The following TOM1L2 variants were observed in gnomAD, a reference collection of about 807,000 sequenced individuals.
TOM1L2 encodes the protein TOM1-like protein 2.
TOM1L2 carries 31 observed loss-of-function variants against 67.9 expected under a neutral mutation model. The observed-to-expected ratio is 0.46, with a 90% confidence interval of 0.34 to 0.62. The LOEUF is 0.62. TOM1L2 is among the 20% of genes least tolerant of loss of function. The probability of loss-of-function intolerance (pLI) is 0.01; values close to 1 mark genes in which losing one functional copy is unlikely to be tolerated. For synonymous variants in TOM1L2, 256 were observed against 254.0 expected (o/e 1.01, Z -0.07); for missense variants, 606 against 663.5 (o/e 0.91, Z 0.95).
At chr17:17,970,057 T>G (rs1315391209) in intron 1 of TOM1L2, among the ~76,000 whole-genome samples, 1 of 151,970 alleles carries the variant, frequency 6.6e-6, no homozygotes, top group Non-Finnish European at 1.5e-5. Flanking sequence ...TTGTTGTTGT[T>G]GTTTGTTTGT....
chr17:17,856,585 T>C (rs548250929), intron 12 of TOM1L2, among the ~76,000 whole-genome samples: 39 of 152,364 alleles, frequency 2.6e-4, no homozygotes, highest in Non-Finnish European at 3.4e-4. Flanking sequence ...GCCTTTCCTC[T>C]GGCCACAGCC....
At chr17:17,930,248 T>G (rs2040271273) in intron 1 of TOM1L2, among the ~76,000 whole-genome samples, 1 of 152,094 alleles carries the variant, frequency 6.6e-6, no homozygotes, top group Non-Finnish European at 1.5e-5. Flanking sequence ...GAAAGTGGGG[T>G]ATAGAGAATT....
intron 2 of TOM1L2, among the ~76,000 whole-genome samples, chr17:17,900,693 A>C (rs2144322784): frequency 6.6e-6 from 1 of 152,296 alleles, no homozygotes; most frequent in Middle Eastern, 3.4e-3. Flanking sequence ...GACAGACACA[A>C]GGCTCCATGG....
At chr17:17,942,534 T>C (rs1159889572) in intron 1 of TOM1L2, among the ~76,000 whole-genome samples, 2 of 152,158 alleles carry the variant, frequency 1.3e-5, no homozygotes, top group East Asian at 1.9e-4. Flanking sequence ...AAGATCTTAT[T>C]ATGGGCCGAT....
chr17:17,895,006 C>T (rs1406425357), intron 3 of TOM1L2, among the ~76,000 whole-genome samples: 1 of 142,302 alleles, frequency 7.0e-6, no homozygotes, highest in Admixed American at 6.9e-5. Flanking sequence ...AAATAATGCA[C>T]ATAGCAAAGT....
chr17:17,925,579 T>C (rs1425897088), intron 1 of TOM1L2, among the ~76,000 whole-genome samples: 2 of 151,450 alleles, frequency 1.3e-5, no homozygotes, highest in Non-Finnish European at 2.9e-5. Flanking sequence ...CAGTGGCTCA[T>C]GCCTCTAATC....
In TOM1L2 at chr17:17,925,309, A is replaced by G. The variant is rs755400946; in HGVS notation, c.53-17778T>C. 6.6e-4 allele frequency among the ~76,000 whole-genome samples: 101 copies of G among 152,210 alleles called. 3 individuals are homozygous for G. Among genetic ancestry groups the G allele is most frequent in the Non-Finnish European group, 1.5e-4 (10 of 68,028 alleles). ...TTTGTAATGATGTAAGAAAAAAAAG[A>G]CACAAAATTGATTTTTAAAAAAACA... On this transcript the variant is annotated intron_variant, in intron 1 of 14. Coordinates refer to ENST00000379504, the MANE Select transcript of TOM1L2 (RefSeq NM_001082968.2).
intron 1 of TOM1L2, among the ~76,000 whole-genome samples, chr17:17,931,142 C>A (rs2040316193): frequency 6.6e-6 from 1 of 152,200 alleles, no homozygotes; most frequent in Admixed American, 6.5e-5. Context: ...CAAAGAACTA[C>A]ACATTCAACC....
At chr17:17,940,601 A>T (rs2040693135) in intron 1 of TOM1L2, among the ~76,000 whole-genome samples, 1 of 152,220 alleles carries the variant, frequency 6.6e-6, no homozygotes, top group South Asian at 2.1e-4. Flanking sequence ...GGAATAAGGT[A>T]AGCCTGAAAG....
At chr17:17,970,893 C>T (rs141811470) in intron 1 of TOM1L2, among the ~76,000 whole-genome samples, 3 of 152,288 alleles carry the variant, frequency 2.0e-5, no homozygotes, top group African/African-American at 7.2e-5. Flanking sequence ...TTCAACCAAC[C>T]AGGAGGAATC....
At chr17:17,905,937 G>A (rs1358920088) in intron 2 of TOM1L2, among the ~76,000 whole-genome samples, 1 of 151,818 alleles carries the variant, frequency 6.6e-6, no homozygotes, top group Admixed American at 6.6e-5. Flanking sequence ...CTCTGCTCCG[G>A]GCCCATTAGC....
At chr17:17,867,781 G>A (rs1254285249) in intron 8 of TOM1L2, among the ~76,000 whole-genome samples, 1 of 152,212 alleles carries the variant, frequency 6.6e-6, no homozygotes, top group Non-Finnish European at 1.5e-5. Context: ...AGATCCCCAG[G>A]AGGAATGATC....
chr17:17,847,938 G>T (rs575429598), intron 14 of TOM1L2, among the ~76,000 whole-genome samples, 155 bp from the exon 15 acceptor site: 10 of 151,966 alleles, frequency 6.6e-5, no homozygotes, highest in South Asian at 2.1e-4. Context: ...GCTGCAGTGT[G>T]GGGGGAGGCT....
intron 2 of TOM1L2, among the ~76,000 whole-genome samples, chr17:17,900,511 G>C (rs1359250183): frequency 7.9e-6 from 1 of 126,922 alleles, no homozygotes; most frequent in Non-Finnish European, 1.6e-5. Context: ...GACAGAGTAA[G>C]ACTCCATCTC....
intron 1 of TOM1L2, among the ~76,000 whole-genome samples, chr17:17,930,342 ACT>A (rs1485682802): frequency 1.3e-5 from 2 of 151,726 alleles, no homozygotes; most frequent in Non-Finnish European, 2.9e-5. Context: ...CAAATCAGAG[ACT>A]CTTGTGAAAG....
At chr17:17,884,894 G>T in intron 4 of TOM1L2, 126 bp from the exon 5 acceptor site, 1 of 1,265,510 alleles carries the variant, frequency 7.9e-7, no homozygotes, top group Non-Finnish European at 1.1e-6. Flanking sequence ...AATTGCACTG[G>T]CTAAACCTAT....
At chr17:17,886,487 C>T (rs2038007204) in intron 4 of TOM1L2, among the ~76,000 whole-genome samples, 1 of 152,254 alleles carries the variant, frequency 6.6e-6, no homozygotes, top group African/African-American at 2.4e-5. Context: ...GCGCTGGCTG[C>T]CTCCACCTGG....
chr17:17,862,769 G>A lies in TOM1L2; in HGVS notation c.1164C>T (p.Ala388=), dbSNP rs777735503. 27 of 1,613,862 alleles carry A rather than the reference G, an allele frequency of 1.7e-5. No homozygotes were observed. The highest frequency in any genetic ancestry group is 4.2e-6 in the Non-Finnish European group (5 of 1,180,038). The change falls in exon 11 of 15, where the codon GCC becomes GCT. Residue 388 remains alanine (A), a synonymous_variant. Coordinates refer to ENST00000379504, the MANE Select transcript of TOM1L2 (RefSeq NM_001082968.2). Reference sequence around the variant, plus strand: ...CAGCCAAGGAGTTTCCTCTCGTCTGGGCAAACATGTCAAAGCCGTCACGGG... The same window carrying A: ...CAGCCAAGGAGTTTCCTCTCGTCTGAGCAAACATGTCAAAGCCGTCACGGG... ...CNPRDGFDMF[A]QTRGNSLAEQ... is the part of the protein sequence containing the mutation.
chr17:17,969,380 G>A (rs556978036), intron 1 of TOM1L2, among the ~76,000 whole-genome samples: 1 of 152,218 alleles, frequency 6.6e-6, no homozygotes, highest in Admixed American at 6.5e-5. Context: ...TTAATCATTA[G>A]CTTTGTAGTT....
Sources: gnomAD v4.1 joint callset for allele counts (sites outside exome capture counted in the v4.1 genomes callset) on GRCh38, gnomAD v4.1.1 for gene constraint, MANE v1.5 for transcripts, NCBI Gene and HGNC (gene_info 2026-07-23, HGNC 2026-07-21) for gene names.